SLC4A4: variants seen among roughly 807,000 people sequenced by gnomAD.
SLC4A4 encodes the protein electrogenic sodium bicarbonate cotransporter 1.
Under a neutral mutation model 111.5 loss-of-function variants are expected in SLC4A4, and 27 were observed. That is an observed-to-expected ratio of 0.24 (90% confidence interval 0.18 to 0.33). The LOEUF (loss-of-function observed/expected upper bound fraction) is 0.33, where lower values mean the gene tolerates loss of function less well. Among genes scored for constraint, SLC4A4 ranks in the 10% least tolerant of loss-of-function variants. The pLI is 1.00. For missense variants in SLC4A4, 909 were observed against 1,315.5 expected, an observed-to-expected ratio of 0.69 and a Z score of 4.78; for synonymous variants, 443 against 463.4, an observed-to-expected ratio of 0.96 and a Z score of 0.57.
intron 2 of SLC4A4, among the ~76,000 whole-genome samples, chr4:71,129,889 C>T (rs1182215326): frequency 6.7e-6 from 1 of 150,092 alleles, no homozygotes; most frequent in Non-Finnish European, 1.5e-5. Flanking sequence ...GAACAGAAAA[C>T]CAAATATTGC....
chr4:71,333,096 G>A (rs1373838954), intron 3 of SLC4A4, among the ~76,000 whole-genome samples: 1 of 152,212 alleles, frequency 6.6e-6, no homozygotes, highest in Non-Finnish European at 1.5e-5. Context: ...CAATGTCTGA[G>A]CATTGAAGAG....
chr4:71,257,986 A>C (rs937125677), intron 3 of SLC4A4, among the ~76,000 whole-genome samples: 2 of 152,184 alleles, frequency 1.3e-5, no homozygotes, highest in Non-Finnish European at 2.9e-5. Context: ...TTGCATAGAC[A>C]CTGCAGCAGT....
At chr4:71,378,680 A>T (rs1578960854) in intron 6 of SLC4A4, among the ~76,000 whole-genome samples, 1 of 152,218 alleles carries the variant, frequency 6.6e-6, no homozygotes, top group Non-Finnish European at 1.5e-5. Flanking sequence ...AGCTACAGAT[A>T]TCAATTTCAA....
intron 3 of SLC4A4, among the ~76,000 whole-genome samples, chr4:71,263,588 T>G (rs1722026406): frequency 6.6e-6 from 1 of 152,208 alleles, no homozygotes; most frequent in African/African-American, 2.4e-5. Context: ...TGCTGTCCCT[T>G]TAACCTAAAT....
intron 7 of SLC4A4, among the ~76,000 whole-genome samples, chr4:71,413,429 A>G (rs1721566102): frequency 1.3e-5 from 2 of 152,104 alleles, no homozygotes; most frequent in Non-Finnish European, 1.5e-5. Context: ...TTTATTGACA[A>G]TTTCTTATTA....
intron 2 of SLC4A4, among the ~76,000 whole-genome samples, chr4:71,103,632 C>A (rs956091001): frequency 6.6e-6 from 1 of 152,104 alleles, no homozygotes; most frequent in Admixed American, 6.5e-5. Flanking sequence ...CAAAACCGCT[C>A]AACTACATGG....
At chr4:71,506,958 GA>G (rs1193091079) in intron 16 of SLC4A4, among the ~76,000 whole-genome samples, 1 of 152,062 alleles carries the variant, frequency 6.6e-6, no homozygotes, top group African/African-American at 2.4e-5. Flanking sequence ...TTAAAGAAAA[GA>G]AAATTGAACC....
At chr4:71,084,709 C>A (rs1445650974) in intron 1 of SLC4A4, among the ~76,000 whole-genome samples, 2 of 152,040 alleles carry the variant, frequency 1.3e-5, no homozygotes, top group Admixed American at 1.3e-4. Context: ...CCAGCTTCAT[C>A]CATGTCCCTA....
At chr4:71,264,065 G>GT (rs928632893) in intron 3 of SLC4A4, among the ~76,000 whole-genome samples, 9 of 152,026 alleles carry the variant, frequency 5.9e-5, no homozygotes, top group Non-Finnish European at 1.0e-4. Flanking sequence ...TGTTTGCGGA[G>GT]TTTTTTTTAC....
intron 1 of SLC4A4, among the ~76,000 whole-genome samples, chr4:71,086,656 A>G (rs143941683): frequency 0.029 from 4,348 of 152,068 alleles, 268 homozygotes; most frequent in African/African-American, 0.1. Flanking sequence ...GCATCTATTG[A>G]GATAATCGTA....
intron 25 of SLC4A4, among the ~76,000 whole-genome samples, chr4:71,567,421 A>G (rs1737586123): frequency 6.6e-6 from 1 of 151,788 alleles, no homozygotes; most frequent in Non-Finnish European, 1.5e-5. Context: ...CTCTTAATGA[A>G]GTTCTAGGGA....
chr4:71,414,454 T>G (rs775260256), intron 7 of SLC4A4, among the ~76,000 whole-genome samples: 3 of 152,262 alleles, frequency 2.0e-5, no homozygotes, highest in Non-Finnish European at 2.9e-5. Flanking sequence ...TCTGCATAAG[T>G]GTTTGTCAAT....
intron 1 of SLC4A4, among the ~76,000 whole-genome samples, chr4:71,207,718 A>G (rs1359979177): frequency 6.6e-6 from 1 of 152,216 alleles, no homozygotes; most frequent in Non-Finnish European, 1.5e-5. Flanking sequence ...GAACTGCATG[A>G]AGGCTTATTT....
At chr4:71,557,906 A>T in intron 22 of SLC4A4, 21 bp downstream of exon 22, 3 of 1,589,856 alleles carry the variant, frequency 1.9e-6, no homozygotes, top group Non-Finnish European at 1.7e-6. Flanking sequence ...CTTTAATTGA[A>T]CGTACCTGTG....
intron 6 of SLC4A4, among the ~76,000 whole-genome samples, chr4:71,366,354 T>TGTGTGG (rs994039177): frequency 6.6e-6 from 1 of 151,658 alleles, no homozygotes; most frequent in African/African-American, 2.4e-5. Context: ...TGTGTGTGTG[T>TGTGTGG]GTATCTATTT....
At chr4:71,193,614 G>A (rs1745853691) in intron 1 of SLC4A4, among the ~76,000 whole-genome samples, 2 of 152,268 alleles carry the variant, frequency 1.3e-5, no homozygotes, top group East Asian at 3.9e-4. Context: ...GGTTTTGTAT[G>A]TCTTTTTTTT....
intron 1 of SLC4A4, among the ~76,000 whole-genome samples, chr4:71,197,576 T>G (rs1692854523): frequency 6.6e-6 from 1 of 152,202 alleles, no homozygotes; most frequent in South Asian, 2.1e-4. Context: ...TTTTTCTGTA[T>G]GCTTTACTTA....
chr4:71,509,385 T>C (rs914721976), intron 16 of SLC4A4, among the ~76,000 whole-genome samples: 3 of 150,592 alleles, frequency 2.0e-5, no homozygotes, highest in Admixed American at 6.7e-5. Flanking sequence ...TTAAAATTCA[T>C]GGAGTATCTT....
intron 3 of SLC4A4, among the ~76,000 whole-genome samples, chr4:71,283,735 A>T (rs1482683587): frequency 6.6e-6 from 1 of 152,234 alleles, no homozygotes; most frequent in Non-Finnish European, 1.5e-5. Context: ...AACTTTGATT[A>T]CTTTTCCTCT....
Sources: allele counts gnomAD v4.1 joint callset (sites outside exome capture counted in the v4.1 genomes callset), GRCh38; gene constraint gnomAD v4.1.1; transcripts MANE v1.5; gene names NCBI Gene and HGNC (gene_info 2026-07-23, HGNC 2026-07-21).